The following PTPRM variants were observed in gnomAD, a reference collection of about 807,000 sequenced individuals.
PTPRM encodes receptor-type tyrosine-protein phosphatase mu.
A neutral mutation model predicts 186.7 loss-of-function variants in PTPRM; 47 were observed. The ratio of observed to expected loss-of-function variants is 0.25; its 90% confidence interval spans 0.20 to 0.32. PTPRM has a LOEUF of 0.32. PTPRM is among the 10% of genes least tolerant of loss of function. The probability of loss-of-function intolerance (pLI) is 1.00; values close to 1 mark genes in which losing one functional copy is unlikely to be tolerated. For missense variants in PTPRM, 1,494 were observed against 1,865.0 expected (o/e 0.80, Z 3.66); for synonymous variants, 668 against 674.9 (o/e 0.99, Z 0.16).
chr18:7,708,188 G>C (rs1206331947), intron 1 of PTPRM, among the ~76,000 whole-genome samples: 1 of 152,074 alleles, frequency 6.6e-6, no homozygotes, highest in African/African-American at 2.4e-5. Flanking sequence ...ACCATGTCCA[G>C]CTTTTACAAT....
At chr18:7,772,444 C>CTCTTCCTT (rs1457362330) in intron 1 of PTPRM, among the ~76,000 whole-genome samples, 1 of 92,352 alleles carries the variant, frequency 1.1e-5, no homozygotes, top group South Asian at 4.3e-4. Flanking sequence ...CTTCCCCTTC[C>CTCTTCCTT]CCTTCCTTCC....
intron 7 of PTPRM, among the ~76,000 whole-genome samples, chr18:7,981,957 C>T (rs1368257612): frequency 6.6e-6 from 1 of 152,108 alleles, no homozygotes; most frequent in Non-Finnish European, 1.5e-5. Context: ...ATGGAGCTTG[C>T]AGGACTAGAA....
intron 7 of PTPRM, among the ~76,000 whole-genome samples, chr18:8,047,746 G>A (rs951824268): frequency 8.6e-5 from 13 of 151,998 alleles, no homozygotes; most frequent in East Asian, 3.9e-4. Context: ...GGTGTGGTAC[G>A]TGGATGAATT....
At chr18:8,367,432 T>G (rs932815362) in intron 23 of PTPRM, among the ~76,000 whole-genome samples, 1 of 152,256 alleles carries the variant, frequency 6.6e-6, no homozygotes, top group Non-Finnish European at 1.5e-5. Context: ...CGGTGCGAAG[T>G]CAGCACCGTG....
intron 1 of PTPRM, among the ~76,000 whole-genome samples, chr18:7,614,673 A>G (rs1240553465): frequency 6.6e-6 from 1 of 152,196 alleles, no homozygotes; most frequent in African/African-American, 2.4e-5. Context: ...GTCTAATGTG[A>G]AATAGTGGTT....
chr18:7,852,824 A>G (rs898249195), intron 2 of PTPRM, among the ~76,000 whole-genome samples: 2 of 152,190 alleles, frequency 1.3e-5, no homozygotes, highest in South Asian at 4.1e-4. Flanking sequence ...TGATCACACC[A>G]CTGTACTCCA....
intron 7 of PTPRM, among the ~76,000 whole-genome samples, chr18:7,956,335 G>A (rs80185450): frequency 0.022 from 3,283 of 152,272 alleles, 46 homozygotes; most frequent in African/African-American, 0.044. Flanking sequence ...TCTGGTAGGA[G>A]TAAGAGAAAT....
intron 2 of PTPRM, among the ~76,000 whole-genome samples, chr18:7,813,727 G>T (rs1347807381): frequency 6.6e-6 from 1 of 150,738 alleles, no homozygotes; most frequent in Non-Finnish European, 1.5e-5. Context: ...CTAAGTTCTT[G>T]CTTGTCTTAA....
intron 4 of PTPRM, among the ~76,000 whole-genome samples, chr18:7,907,751 A>AAT (rs751221058): frequency 8.5e-4 from 129 of 150,900 alleles, no homozygotes; most frequent in South Asian, 6.4e-3. Context: ...GAACACCGCA[A>AAT]ATGTGTGTGT....
At chr18:8,083,571 A>G (rs1353897291) in intron 9 of PTPRM, among the ~76,000 whole-genome samples, 10 of 152,122 alleles carry the variant, frequency 6.6e-5, no homozygotes, top group East Asian at 1.9e-4. Context: ...CGTTTCTTCC[A>G]TGGAACTTGG....
chr18:8,392,811 A>G (rs2095823309), intron 31 of PTPRM, among the ~76,000 whole-genome samples: 2 of 152,296 alleles, frequency 1.3e-5, no homozygotes, highest in South Asian at 4.2e-4. Context: ...CAAAGCTGGA[A>G]CAATGTGAAC....
chr18:8,279,085 T>C (rs960581575), intron 19 of PTPRM, among the ~76,000 whole-genome samples: 6 of 151,868 alleles, frequency 4.0e-5, no homozygotes, highest in Non-Finnish European at 7.4e-5. Context: ...AATACAAATA[T>C]ATATATATAT....
At chr18:8,134,544 A>G (rs1181262176) in intron 13 of PTPRM, among the ~76,000 whole-genome samples, 1 of 152,116 alleles carries the variant, frequency 6.6e-6, no homozygotes, top group East Asian at 1.9e-4. Flanking sequence ...CCTCATCCAC[A>G]TGATGACTAG....
chr18:7,875,217 T>A (rs1036154929), intron 2 of PTPRM, among the ~76,000 whole-genome samples: 1 of 151,956 alleles, frequency 6.6e-6, no homozygotes, highest in Non-Finnish European at 1.5e-5. Context: ...AAAAAGAAAT[T>A]CTTTACAAAT....
chr18:7,805,394 A>G (rs1285013563), intron 2 of PTPRM, among the ~76,000 whole-genome samples: 4 of 152,216 alleles, frequency 2.6e-5, no homozygotes, highest in Non-Finnish European at 5.9e-5. Context: ...TTAGTGCCTT[A>G]TAAGATTTCT....
chr18:7,622,163 T>C (rs972654778), intron 1 of PTPRM, among the ~76,000 whole-genome samples: 15 of 152,208 alleles, frequency 9.9e-5, no homozygotes, highest in Admixed American at 1.3e-4. Flanking sequence ...TTCTAATAGA[T>C]GTGTGAGAAG....
chr18:8,309,617 T>C (rs1005540706), intron 20 of PTPRM, among the ~76,000 whole-genome samples: 3 of 152,150 alleles, frequency 2.0e-5, no homozygotes, highest in Admixed American at 6.5e-5. Flanking sequence ...GCTCAAGGGA[T>C]CCTCCTGCCT....
intron 7 of PTPRM, among the ~76,000 whole-genome samples, chr18:7,984,501 A>C (rs144169473): frequency 2.9e-4 from 43 of 147,990 alleles, no homozygotes; most frequent in African/African-American, 1.0e-3. Context: ...CTTCGTGATT[A>C]ATATTTTTTA....
Position 8,106,068 on chromosome 18 carries a change from C to T in PTPRM, c.1857-7418C>T, listed in dbSNP as rs181274075. On this transcript the variant is annotated intron_variant, in intron 11 of 32. Coordinates refer to ENST00000580170, the MANE Select transcript of PTPRM (RefSeq NM_001105244.2). ...TCATCCTTACCTCAGGCCTTGTGGG[C>T]GCCTAGAGGAGTCAAGACTAGGAAG... 2.1e-3 allele frequency among the ~76,000 whole-genome samples: 322 copies of T among 152,202 alleles called. 1 individual carries two copies. The highest frequency in any genetic ancestry group is 6.7e-3 in the African/African-American group (279 of 41,530).
Sources: gnomAD v4.1 joint callset for allele counts (sites outside exome capture counted in the v4.1 genomes callset) on GRCh38, gnomAD v4.1.1 for gene constraint, MANE v1.5 for transcripts, NCBI Gene and HGNC (gene_info 2026-07-23, HGNC 2026-07-21) for gene names.